MKX: variants seen among roughly 807,000 people sequenced by gnomAD.
MKX encodes homeobox protein Mohawk.
In MKX, 13 loss-of-function variants were observed where a neutral mutation model predicts 36.0. The observed-to-expected ratio is 0.36, with a 90% CI of 0.24 to 0.57. The LOEUF (loss-of-function observed/expected upper bound fraction) is 0.57. Among genes scored for constraint, MKX ranks in the 20% least tolerant of loss-of-function variants. MKX has a pLI of 0.79. For synonymous variants in MKX, 176 were observed against 178.3 expected, an observed-to-expected ratio of 0.99 and a Z score of 0.10; for missense variants, 458 against 456.4, an observed-to-expected ratio of 1.00 and a Z score of -0.03.
At position 27,727,284 on chromosome 10, in the gene MKX, G is replaced by A. The variant is rs1210155173; in HGVS notation, c.838+7172C>T. Among the ~76,000 whole-genome samples the A allele has an allele frequency of 2.6e-5, 4 of 152,186 alleles. No individual in the cohort carries two copies. The East Asian group carries it at 5.8e-4, about 22-fold the overall frequency. On this transcript the variant is annotated intron_variant, in intron 5 of 6. Coordinates refer to ENST00000419761, the MANE Select transcript of MKX (RefSeq NM_173576.3). ...CATCTATCTACACGTAGGATTTTTC[G>A]GGCTCTCACGTGATACCAAATAACA...
At chr10:27,713,928 A>G (rs561992753) in intron 5 of MKX, among the ~76,000 whole-genome samples, 1 of 149,836 alleles carries the variant, frequency 6.7e-6, no homozygotes, top group Non-Finnish European at 1.5e-5. Flanking sequence ...TTCTAGCCTC[A>G]CTTTACAACT....
rs1241385690 is a variant in MKX at position 27,744,246 on chromosome 10, G to A, written c.-82-749C>T. On this transcript the variant is annotated intron_variant, in intron 1 of 6. Coordinates refer to ENST00000419761, the MANE Select transcript of MKX (RefSeq NM_173576.3). This position sits in a 1 kb window ranked among gnomAD's most constrained non-coding sequence, Gnocchi z 5.6. ...CATGGTCCTAAGGTCCAAGGCGCCA[G>A]GACCCAGGTCCCCAGAGCCCTCAAT... 3.3e-5 allele frequency among the ~76,000 whole-genome samples: 5 copies of A among 152,130 alleles called. No homozygotes were observed. Among genetic ancestry groups the A allele is most frequent in the African/African-American group, 1.2e-4 (5 of 41,440 alleles).
chr10:27,679,988 A>C (rs971703737), intron 5 of MKX, among the ~76,000 whole-genome samples: 1 of 152,150 alleles, frequency 6.6e-6, no homozygotes, highest in African/African-American at 2.4e-5. Context: ...CACTGCTGAC[A>C]GGTGGTCTCA....
At chr10:27,743,528 C>T (rs750383212) in intron 1 of MKX, 31 bp from the exon 2 acceptor site, 20 of 1,193,396 alleles carry the variant, frequency 1.7e-5, no homozygotes, top group Non-Finnish European at 1.9e-5. Flanking sequence ...TCGTTACTTA[C>T]TGGCTGAGAG....
intron 5 of MKX, among the ~76,000 whole-genome samples, chr10:27,693,663 A>T (rs186398802): frequency 6.6e-6 from 1 of 152,334 alleles, no homozygotes; most frequent in Admixed American, 6.5e-5. Flanking sequence ...AGTAAATAAG[A>T]CACCTATAAA....
Position 27,744,529 on chromosome 10 carries a change from C to T in MKX, c.-82-1032G>A, listed in dbSNP as rs924654564. Among the ~76,000 whole-genome samples the T allele has an allele frequency of 4.6e-5, 7 of 152,102 alleles. No homozygotes were observed. Among genetic ancestry groups the T allele is most frequent in the Non-Finnish European group, 1.0e-4 (7 of 68,002 alleles). On this transcript the variant is annotated intron_variant, in intron 1 of 6. Transcript: ENST00000419761. The surrounding 1 kb of genome is among the most constrained non-coding windows in gnomAD (Gnocchi z 5.6). ...CGGCGTCAGGAGCAAGTCCGCGCGG[C>T]CGCGGAGCCGCAGAGTTACAGCCCC...
rs756881942 is a variant in MKX at position 27,741,399 on chromosome 10, G to A, written c.294C>T (p.Pro98=). The A allele has an allele frequency of 8.7e-6, 14 of 1,613,414 alleles. No homozygotes were observed. Among genetic ancestry groups the A allele is most frequent in the East Asian group, 2.2e-5 (1 of 44,860 alleles). ...WLYKHRDNPY[P]TKTEKILLAL... is the part of the protein sequence containing the mutation. ...CCAAGAGTATCTTCTCGGTCTTGGT[G>A]GGGTACGGGTTGTCACGGTGCTTGT... Residue 98 remains proline, a synonymous_variant, in exon 3 of 7, where the codon CCC becomes CCT. Transcript: ENST00000419761. The surrounding 1 kb of genome is among the most constrained non-coding windows in gnomAD (Gnocchi z 5.1).
chr10:27,736,262 T>A (rs1834773849), intron 3 of MKX, among the ~76,000 whole-genome samples: 1 of 151,900 alleles, frequency 6.6e-6, no homozygotes, highest in East Asian at 1.9e-4. Context: ...GAACCATGGG[T>A]GAAGAGGGGG....
At chr10:27,730,209 G>A (rs1395484639) in intron 5 of MKX, among the ~76,000 whole-genome samples, 1 of 152,150 alleles carries the variant, frequency 6.6e-6, no homozygotes, top group Non-Finnish European at 1.5e-5. Flanking sequence ...TGTCAAAAAT[G>A]TTTCAACCCA....
At chr10:27,703,856 T>C (rs1163475207) in intron 5 of MKX, among the ~76,000 whole-genome samples, 1 of 152,080 alleles carries the variant, frequency 6.6e-6, no homozygotes, top group African/African-American at 2.4e-5. Flanking sequence ...GCCCAGATTG[T>C]ACCATTGCCC....
chr10:27,687,827 G>A (rs1836385504), intron 5 of MKX, among the ~76,000 whole-genome samples: 1 of 152,214 alleles, frequency 6.6e-6, no homozygotes, highest in African/African-American at 2.4e-5. Flanking sequence ...GGAGGCCAGT[G>A]TCAGCGGGGG....
rs1441776524 is a variant in MKX, at chr10:27,741,099, C to A, written c.348+246G>T. Among the ~76,000 whole-genome samples the A allele has an allele frequency of 6.6e-6, 1 of 152,172 alleles. No individual in the cohort carries two copies. The highest frequency in any genetic ancestry group is 6.5e-5 in the Admixed American group (1 of 15,268). On this transcript the variant is annotated intron_variant, in intron 3 of 6. Coordinates refer to ENST00000419761, the MANE Select transcript of MKX (RefSeq NM_173576.3). This position sits in a 1 kb window ranked among gnomAD's most constrained non-coding sequence, Gnocchi z 5.1. The stretch of plus-strand genomic sequence containing the variant: ...ATTCTGATGCTCACTAATGTTGAAC[C>A]TTCTCGTAAGTCTGCAGTTTACTTT...
At chr10:27,693,781 C>T (rs1907391) in intron 5 of MKX, among the ~76,000 whole-genome samples, 122,213 of 152,128 alleles carry the variant, frequency 0.8, 49,155 homozygotes, top group Admixed American at 0.84. Flanking sequence ...TGCTTTTTCT[C>T]ATCTTTTCTA....
chr10:27,679,463 G>A (rs1836213982), intron 5 of MKX, among the ~76,000 whole-genome samples: 1 of 152,094 alleles, frequency 6.6e-6, no homozygotes, highest in Non-Finnish European at 1.5e-5. Flanking sequence ...ATGTTAGAAG[G>A]GCACGCTTTT....
In MKX at chr10:27,706,014, T is replaced by C. The variant is rs149957921; in HGVS notation, c.838+28442A>G. 2.0e-3 allele frequency among the ~76,000 whole-genome samples: 298 copies of C among 152,264 alleles called. 2 individuals carry two copies. Among genetic ancestry groups the C allele is most frequent in the African/African-American group, 6.8e-3 (283 of 41,556 alleles). ...CACCTTCGAGACTGAAACTTGATAT[T>C]CATTAAACTATCACTCCTCATTCCT... On this transcript the variant is annotated intron_variant, in intron 5 of 6. Transcript: ENST00000419761.
At chr10:27,702,279 T>C (rs571507781) in intron 5 of MKX, among the ~76,000 whole-genome samples, 1 of 152,278 alleles carries the variant, frequency 6.6e-6, no homozygotes, top group Admixed American at 6.5e-5. Flanking sequence ...GAGAGCTGTC[T>C]AAATACGAAG....
chr10:27,729,917 G>A (rs1447749942), intron 5 of MKX, among the ~76,000 whole-genome samples: 3 of 152,112 alleles, frequency 2.0e-5, no homozygotes, highest in Middle Eastern at 3.4e-3. Context: ...AATGGAGGTG[G>A]ATATTACACC....
chr10:27,727,057 C>T (rs369946738), intron 5 of MKX, among the ~76,000 whole-genome samples: 23 of 152,194 alleles, frequency 1.5e-4, no homozygotes, highest in South Asian at 4.2e-4. Context: ...AGATAGGATG[C>T]GACTGCATTT....
chr10:27,691,138 T>C (rs1345082991), intron 5 of MKX, among the ~76,000 whole-genome samples: 1 of 152,184 alleles, frequency 6.6e-6, no homozygotes, highest in East Asian at 1.9e-4. Flanking sequence ...GTAGTATCTT[T>C]ATAGCCATGT....
Sources: allele counts gnomAD v4.1 joint callset (sites outside exome capture counted in the v4.1 genomes callset), GRCh38; gene constraint gnomAD v4.1.1; non-coding constraint Gnocchi (gnomAD v3.1); transcripts MANE v1.5; gene names NCBI Gene and HGNC (gene_info 2026-07-23, HGNC 2026-07-21).